IL1RAP: variants seen among roughly 807,000 people sequenced by gnomAD.
IL1RAP encodes the protein interleukin-1 receptor accessory protein.
In IL1RAP, 35 loss-of-function variants were observed where a neutral mutation model predicts 60.7. The ratio of observed to expected loss-of-function variants is 0.58; its 90% CI spans 0.44 to 0.76. The LOEUF is 0.76. Ranked by LOEUF, IL1RAP falls within the 30% of genes least tolerant of loss-of-function variation. The probability of loss-of-function intolerance (pLI) is 0.00; values close to 1 mark genes in which losing one functional copy is unlikely to be tolerated. For missense variants in IL1RAP, 572 were observed against 693.9 expected (o/e 0.82, Z 1.97); for synonymous variants, 268 against 250.9 (o/e 1.07, Z -0.64).
intron 3 of IL1RAP, among the ~76,000 whole-genome samples, chr3:190,595,276 T>C (rs1481082803): frequency 6.6e-6 from 1 of 152,168 alleles, no homozygotes; most frequent in Non-Finnish European, 1.5e-5. Context: ...TGCCACTAGG[T>C]ATCAAAGTCC....
intron 1 of IL1RAP, among the ~76,000 whole-genome samples, chr3:190,553,230 T>C (rs1319373311): frequency 2.6e-5 from 4 of 152,198 alleles, no homozygotes. Flanking sequence ...ACAGAAAGAC[T>C]GCAAAGCACA....
At chr3:190,642,563 T>A (rs1041974422) in intron 9 of IL1RAP, 3 of 152,184 alleles carry the variant, frequency 2.0e-5, no homozygotes, top group African/African-American at 7.2e-5. Flanking sequence ...ACATTTAACA[T>A]CTACAATGTT....
chr3:190,654,557 C>T (rs148958874), downstream of IL1RAP, among the ~76,000 whole-genome samples: 26 of 152,158 alleles, frequency 1.7e-4, no homozygotes, highest in Admixed American at 6.5e-4. Context: ...AACTTGAGCA[C>T]GTGTCTCTCC....
chr3:190,521,162 G>A (rs1052454154), intron 1 of IL1RAP, among the ~76,000 whole-genome samples: 13 of 152,112 alleles, frequency 8.5e-5, no homozygotes, highest in Non-Finnish European at 1.5e-4. Context: ...AATGAGAATT[G>A]TTCCATTGCA....
intron 1 of IL1RAP, among the ~76,000 whole-genome samples, chr3:190,522,939 C>T (rs900708485): frequency 2.6e-5 from 4 of 152,044 alleles, no homozygotes; most frequent in African/African-American, 9.7e-5. Flanking sequence ...AAATTCTGCT[C>T]CCTCAGTGTA....
chr3:190,597,812 T>C (rs1381984153), intron 3 of IL1RAP, among the ~76,000 whole-genome samples: 1 of 152,226 alleles, frequency 6.6e-6, no homozygotes, highest in Non-Finnish European at 1.5e-5. Context: ...TCTCCTTTTT[T>C]ATTTCCTCTT....
chr3:190,545,387 G>A (rs925199484), intron 1 of IL1RAP, among the ~76,000 whole-genome samples: 2 of 152,080 alleles, frequency 1.3e-5, no homozygotes, highest in Non-Finnish European at 2.9e-5. Context: ...TCTGCCCCTA[G>A]ACAATTACAG....
Position 190,562,703 on chromosome 3 carries a change from C to T in IL1RAP, c.-1-1586C>T, listed in dbSNP as rs1176872256. 8.0e-3 allele frequency among the ~76,000 whole-genome samples: 253 copies of T among 31,476 alleles called. 1 individual carries two copies. Among genetic ancestry groups the T allele is most frequent in the African/African-American group, 0.015 (243 of 16,062 alleles). 20.6% of individuals were successfully genotyped at this position (31,476 alleles called of 152,430 possible). A position where few individuals can be genotyped will look rare whatever the true frequency, so the allele number is the denominator to read the frequency against. ...TCAAAACATATCTCGTCCACACACACACACACACACACACACACACACACA... is the reference window on the plus strand; with the variant it reads ...TCAAAACATATCTCGTCCACACACATACACACACACACACACACACACACA... On this transcript the variant is annotated intron_variant, in intron 2 of 11. Coordinates refer to ENST00000447382, the MANE Select transcript of IL1RAP (RefSeq NM_002182.4).
At chr3:190,599,967 T>C (rs2108742416) in intron 3 of IL1RAP, among the ~76,000 whole-genome samples, 1 of 152,252 alleles carries the variant, frequency 6.6e-6, no homozygotes, top group East Asian at 1.9e-4. Flanking sequence ...TCTGAGAATG[T>C]TGATAGTATT....
intron 2 of IL1RAP, chr3:190,563,333 C>A (rs976382123): frequency 1.3e-5 from 2 of 152,160 alleles, no homozygotes; most frequent in African/African-American, 4.8e-5. Flanking sequence ...CCTCTGCAAG[C>A]ATTCTTATAT....
intron 1 of IL1RAP, among the ~76,000 whole-genome samples, chr3:190,537,845 C>T (rs888353432): frequency 6.6e-6 from 1 of 152,106 alleles, no homozygotes; most frequent in African/African-American, 2.4e-5. Context: ...GCATATCATT[C>T]TAGGCCTGTT....
intron 1 of IL1RAP, among the ~76,000 whole-genome samples, chr3:190,520,940 A>G (rs16865541): frequency 0.29 from 43,980 of 152,094 alleles, 6,595 homozygotes; most frequent in Middle Eastern, 0.4. Context: ...TTGTGTTTCC[A>G]TAATATAGTG....
At chr3:190,574,954 G>T (rs182728490) in intron 3 of IL1RAP, among the ~76,000 whole-genome samples, 9 of 152,064 alleles carry the variant, frequency 5.9e-5, no homozygotes, top group Non-Finnish European at 1.0e-4. Context: ...AATCCCAGCA[G>T]ATTTAATACA....
At chr3:190,534,966 G>A (rs2108546340) in intron 1 of IL1RAP, among the ~76,000 whole-genome samples, 1 of 151,086 alleles carries the variant, frequency 6.6e-6, no homozygotes, top group East Asian at 1.9e-4. Flanking sequence ...TGGGGCTTAG[G>A]AAAATGAGAG....
At chr3:190,624,683 G>A in intron 7 of IL1RAP, 1 of 213,712 alleles carries the variant, frequency 4.7e-6, no homozygotes, top group Admixed American at 4.3e-5. Context: ...CACAGGAACT[G>A]TCAAAATGCA....
intron 9 of IL1RAP, among the ~76,000 whole-genome samples, chr3:190,639,000 TTG>T (rs1385591018): frequency 2.0e-5 from 3 of 152,174 alleles, no homozygotes; most frequent in African/African-American, 7.2e-5. Flanking sequence ...TTGTTTATTT[TTG>T]TGCCCTTTAT....
intron 3 of IL1RAP, among the ~76,000 whole-genome samples, chr3:190,571,203 T>C (rs765642838): frequency 2.6e-5 from 4 of 152,134 alleles, no homozygotes; most frequent in African/African-American, 4.8e-5. Context: ...CCTAATTACT[T>C]ACCCTTGCAT....
At chr3:190,554,947 C>G (rs987052139) in intron 1 of IL1RAP, among the ~76,000 whole-genome samples, 2 of 152,166 alleles carry the variant, frequency 1.3e-5, no homozygotes, top group African/African-American at 4.8e-5. Context: ...GTAGAGAAAT[C>G]TATGAAAACT....
chr3:190,648,755 G>A lies in IL1RAP; in HGVS notation c.*50G>A. On this transcript the variant is annotated 3_prime_UTR_variant, in exon 12 of 12. Transcript: ENST00000447382. ...GAACAAGGGGTGCTCCAGGAAGAAA[G>A]AGTCCCCCCAGTCTTCATTCGCAGT... The A allele has an allele frequency of 6.5e-7, 1 of 1,550,096 alleles. No homozygotes were observed.
Sources: gnomAD v4.1 joint callset for allele counts (sites outside exome capture counted in the v4.1 genomes callset) on GRCh38, gnomAD v4.1.1 for gene constraint, MANE v1.5 for transcripts, NCBI Gene and HGNC (gene_info 2026-07-23, HGNC 2026-07-21) for gene names.